The following PRKG1 variants were observed in gnomAD, a reference collection of about 807,000 sequenced individuals.
PRKG1 encodes protein kinase cGMP-dependent 1, also known as cGMP-dependent protein kinase 1.
A neutral mutation model predicts 88.1 loss-of-function variants in PRKG1; 35 were observed. The ratio of observed to expected loss-of-function variants is 0.40; its 90% CI spans 0.30 to 0.53. The LOEUF (loss-of-function observed/expected upper bound fraction) is 0.53, where lower values mean the gene tolerates loss of function less well. Ranked by LOEUF, PRKG1 falls within the 20% of genes least tolerant of loss-of-function variation. The pLI, the probability that PRKG1 is intolerant of heterozygous loss-of-function variation, is 0.59. For missense variants in PRKG1, 540 were observed against 839.8 expected, an observed-to-expected ratio of 0.64 and a Z score of 4.41; for synonymous variants, 303 against 292.5, an observed-to-expected ratio of 1.04 and a Z score of -0.37.
intron 3 of PRKG1, among the ~76,000 whole-genome samples, chr10:51,720,235 C>G (rs1337039960): frequency 6.6e-6 from 1 of 152,138 alleles, no homozygotes; most frequent in Non-Finnish European, 1.5e-5. Context: ...TTCCATAATT[C>G]ATTCCCTGAT....
At chr10:52,090,983 A>T (rs1008462396) in intron 7 of PRKG1, among the ~76,000 whole-genome samples, 4 of 152,168 alleles carry the variant, frequency 2.6e-5, no homozygotes, top group Non-Finnish European at 5.9e-5. Flanking sequence ...ATTGCTGCAT[A>T]ACACATTACC....
chr10:51,956,580 C>T (rs895936910), intron 5 of PRKG1, among the ~76,000 whole-genome samples: 1 of 152,026 alleles, frequency 6.6e-6, no homozygotes, highest in African/African-American at 2.4e-5. Context: ...TTTCATTATA[C>T]TCTATGGCTT....
chr10:51,040,240 G>GTT (rs141623275), intron 1 of PRKG1, among the ~76,000 whole-genome samples: 3 of 145,296 alleles, frequency 2.1e-5, no homozygotes, highest in Admixed American at 6.9e-5. Flanking sequence ...ATTTGTGTGT[G>GTT]TGTGTGTGTG....
chr10:51,290,151 G>C (rs1840545988), intron 2 of PRKG1, among the ~76,000 whole-genome samples: 1 of 152,044 alleles, frequency 6.6e-6, no homozygotes, highest in South Asian at 2.1e-4. Flanking sequence ...GAGATGAGAG[G>C]ATCATTTGAA....
intron 1 of PRKG1, among the ~76,000 whole-genome samples, chr10:50,992,263 G>A (rs1196979307): frequency 6.6e-6 from 1 of 152,186 alleles, no homozygotes; most frequent in African/African-American, 2.4e-5. Context: ...TGGGGGCGAG[G>A]AGGGGAGAGG....
chr10:51,037,777 G>A (rs1377321657), intron 1 of PRKG1, among the ~76,000 whole-genome samples: 3 of 144,706 alleles, frequency 2.1e-5, no homozygotes, highest in African/African-American at 7.6e-5. Flanking sequence ...AGCAAGACTC[G>A]ATCTCAAAAA....
intron 7 of PRKG1, among the ~76,000 whole-genome samples, chr10:52,122,095 A>G (rs1262651948): frequency 6.6e-6 from 1 of 152,242 alleles, no homozygotes; most frequent in Non-Finnish European, 1.5e-5. Flanking sequence ...TGGGATGTCC[A>G]AGGTTGAGGG....
chr10:52,269,927 G>A (rs1841673373), intron 10 of PRKG1, among the ~76,000 whole-genome samples: 4 of 152,080 alleles, frequency 2.6e-5, no homozygotes, highest in Admixed American at 2.6e-4. Flanking sequence ...TGCAAGAGAG[G>A]CATGGCACAT....
rs139063682 is a variant in PRKG1, at chr10:52,022,204, A to T, written c.763-32280A>T. On this transcript the variant is annotated intron_variant, in intron 5 of 17. Coordinates refer to ENST00000373980, the MANE Select transcript of PRKG1 (RefSeq NM_006258.4). ...GCAAGCTAATATAAGTGTTCTGATA[A>T]CATTCAAAGTAGACTAGGCTAAGTT... Among the ~76,000 whole-genome samples the T allele has an allele frequency of 2.7e-4, 41 of 152,322 alleles. No individual in the cohort carries two copies. The East Asian group carries it at 6.6e-3, about 24-fold the overall frequency.
intron 3 of PRKG1, among the ~76,000 whole-genome samples, chr10:51,802,281 T>A (rs1839192090): frequency 6.6e-6 from 1 of 152,170 alleles, no homozygotes; most frequent in Non-Finnish European, 1.5e-5. Context: ...GGTTTTGGTA[T>A]CATGCCCAAG....
chr10:51,544,343 A>G (rs1443007485), intron 3 of PRKG1, among the ~76,000 whole-genome samples: 1 of 151,918 alleles, frequency 6.6e-6, no homozygotes, highest in Non-Finnish European at 1.5e-5. Context: ...GCTGAGATTG[A>G]TGGTTTCCAG....
intron 4 of PRKG1, among the ~76,000 whole-genome samples, chr10:51,818,561 C>A (rs1839653145): frequency 6.6e-6 from 1 of 152,122 alleles, no homozygotes; most frequent in South Asian, 2.1e-4. Context: ...ATAAATTTCA[C>A]AACAATCTGA....
chr10:51,221,910 C>T (rs1314469787), intron 2 of PRKG1, among the ~76,000 whole-genome samples: 4 of 131,940 alleles, frequency 3.0e-5, no homozygotes, highest in South Asian at 2.3e-4. Flanking sequence ...GAGTTTCACT[C>T]GTCGCCCAGG....
At chr10:51,921,399 T>C (rs1842460135) in intron 5 of PRKG1, among the ~76,000 whole-genome samples, 1 of 152,094 alleles carries the variant, frequency 6.6e-6, no homozygotes, top group African/African-American at 2.4e-5. Context: ...TGTCTCTCTT[T>C]TATTTCCTCT....
intron 1 of PRKG1, among the ~76,000 whole-genome samples, chr10:51,029,048 G>T (rs576078087): frequency 1.3e-5 from 2 of 152,084 alleles, no homozygotes; most frequent in Non-Finnish European, 2.9e-5. Flanking sequence ...TGAATGGAAA[G>T]GTACCAAATA....
chr10:52,195,533 A>G (rs538476402), intron 9 of PRKG1, among the ~76,000 whole-genome samples: 4 of 152,238 alleles, frequency 2.6e-5, no homozygotes, highest in African/African-American at 9.6e-5. Flanking sequence ...GAGTTTATCA[A>G]TGTGTGCTGG....
intron 2 of PRKG1, among the ~76,000 whole-genome samples, chr10:51,413,936 A>G (rs1838170917): frequency 6.6e-6 from 1 of 152,166 alleles, no homozygotes; most frequent in Non-Finnish European, 1.5e-5. Context: ...TTCAGCAGAA[A>G]CAGTGTGGTA....
intron 1 of PRKG1, among the ~76,000 whole-genome samples, chr10:51,119,147 A>G (rs547659917): frequency 2.6e-4 from 39 of 152,108 alleles, no homozygotes; most frequent in Non-Finnish European, 4.6e-4. Context: ...TGCTAAATTC[A>G]TATTATTTGT....
intron 4 of PRKG1, 103 bp downstream of exon 4, chr10:51,804,793 CAGTCAT>C (rs1839262882): frequency 1.3e-6 from 1 of 744,054 alleles, no homozygotes; most frequent in Non-Finnish European, 2.3e-6. Flanking sequence ...GCCTTTCTCT[CAGTCAT>C]AATAGTCTAC....
Sources: gnomAD v4.1 joint callset for allele counts (sites outside exome capture counted in the v4.1 genomes callset) on GRCh38, gnomAD v4.1.1 for gene constraint, MANE v1.5 for transcripts, NCBI Gene and HGNC (gene_info 2026-07-23, HGNC 2026-07-21) for gene names.